Variants in PDGFD observed in about 807,000 individuals in gnomAD.
The protein encoded by PDGFD is platelet derived growth factor D.
In PDGFD, 30 loss-of-function variants were observed where a neutral mutation model predicts 44.7. The ratio of observed to expected loss-of-function variants is 0.67; its 90% CI spans 0.50 to 0.91. PDGFD has a LOEUF of 0.91. PDGFD is among the 40% of genes least tolerant of loss of function. PDGFD has a pLI of 0.00. For synonymous variants in PDGFD, 173 were observed against 168.4 expected, an observed-to-expected ratio of 1.03 and a Z score of -0.21; for missense variants, 445 against 457.8, an observed-to-expected ratio of 0.97 and a Z score of 0.25.
In PDGFD at chr11:103,980,843, A is replaced by T. The variant is rs111366404; in HGVS notation, c.510+15222T>A. The stretch of plus-strand genomic sequence containing the variant: ...AGAAGAATTTGGCAATCTACAACCC[A>T]CAAGAGAGCCCTCACCAAAACCCTA... On this transcript the variant is annotated intron_variant, in intron 3 of 6. Coordinates refer to ENST00000393158, the MANE Select transcript of PDGFD (RefSeq NM_025208.5). Among the ~76,000 whole-genome samples the T allele has an allele frequency of 9.7e-3, 1,468 of 152,124 alleles. 32 individuals are homozygous for T. The highest frequency in any genetic ancestry group is 0.034 in the African/African-American group (1,396 of 41,516).
chr11:104,091,443 A>G (rs907997725), intron 1 of PDGFD, among the ~76,000 whole-genome samples: 1 of 152,188 alleles, frequency 6.6e-6, no homozygotes, highest in Non-Finnish European at 1.5e-5. Flanking sequence ...CTACTGGATC[A>G]GGAAACACTT....
intron 1 of PDGFD, among the ~76,000 whole-genome samples, chr11:104,025,471 C>T (rs1288138673): frequency 6.6e-6 from 1 of 152,228 alleles, no homozygotes; most frequent in Admixed American, 6.5e-5. Flanking sequence ...CTGCCAAATA[C>T]AGTTCTGGTT....
rs145363179 is a variant in PDGFD at position 104,084,616 on chromosome 11, T to C, written c.124+79188A>G. 8.2e-3 allele frequency among the ~76,000 whole-genome samples: 1,210 copies of C among 147,208 alleles called. 12 individuals are homozygous for C. Among genetic ancestry groups the C allele is most frequent in the African/African-American group, 0.028 (1,132 of 40,576 alleles). ...TTTTAAAAATTAAATTATATATATA[T>C]AAATATACATATATAATATATAATA... On this transcript the variant is annotated intron_variant, in intron 1 of 6. Transcript: ENST00000393158.
intron 1 of PDGFD, among the ~76,000 whole-genome samples, chr11:104,059,083 A>G (rs1317080835): frequency 6.6e-6 from 1 of 152,232 alleles, no homozygotes; most frequent in Non-Finnish European, 1.5e-5. Context: ...AACTGTTCAT[A>G]ATTGTCAAAA....
chr11:104,082,816 G>C (rs1352641615), intron 1 of PDGFD, among the ~76,000 whole-genome samples: 2 of 151,994 alleles, frequency 1.3e-5, no homozygotes, highest in African/African-American at 4.8e-5. Flanking sequence ...AATTTTTGTA[G>C]AGACAGGGTC....
intron 1 of PDGFD, among the ~76,000 whole-genome samples, chr11:104,102,934 G>T (rs1350082811): frequency 6.6e-6 from 1 of 152,104 alleles, no homozygotes; most frequent in Non-Finnish European, 1.5e-5. Flanking sequence ...GTTGTGGGCT[G>T]GGGGGAGAGG....
At chr11:104,103,959 C>A (rs372286765) in intron 1 of PDGFD, among the ~76,000 whole-genome samples, 1 of 151,850 alleles carries the variant, frequency 6.6e-6, no homozygotes, top group African/African-American at 2.4e-5. Context: ...GAAGAAGATA[C>A]GGAGATGACA....
At chr11:103,943,013 C>T (rs1858610174) in intron 5 of PDGFD, among the ~76,000 whole-genome samples, 1 of 152,040 alleles carries the variant, frequency 6.6e-6, no homozygotes, top group African/African-American at 2.4e-5. Flanking sequence ...CGGGACCAAA[C>T]CCTTCTTAGT....
chr11:104,121,939 T>C (rs1591175961), intron 1 of PDGFD, among the ~76,000 whole-genome samples: 1 of 152,148 alleles, frequency 6.6e-6, no homozygotes, highest in East Asian at 1.9e-4. Flanking sequence ...CTGATACCCA[T>C]GAAATTAGAC....
chr11:103,981,059 G>A (rs554473245), intron 3 of PDGFD, among the ~76,000 whole-genome samples: 6 of 152,032 alleles, frequency 3.9e-5, no homozygotes, highest in South Asian at 2.1e-4. Flanking sequence ...ATGTTGGAAC[G>A]TAATCCCCAA....
At chr11:104,008,555 C>T (rs1056708674) in intron 1 of PDGFD, among the ~76,000 whole-genome samples, 4 of 152,026 alleles carry the variant, frequency 2.6e-5, no homozygotes, top group Non-Finnish European at 5.9e-5. Context: ...GAAAACATTA[C>T]GAAGGAATTA....
chr11:104,038,228 C>A, intron 1 of PDGFD: 1 of 551,928 alleles, frequency 1.8e-6, no homozygotes, highest in Non-Finnish European at 3.2e-6. Context: ...TGAAAGGCAT[C>A]CTGGGAAGGC....
chr11:104,084,757 T>C (rs1354558308), intron 1 of PDGFD, among the ~76,000 whole-genome samples: 2 of 81,316 alleles, frequency 2.5e-5, no homozygotes, highest in Non-Finnish European at 4.2e-5. Flanking sequence ...TTATAGTTTA[T>C]ATATTAATTA....
chr11:103,917,729 C>T (rs1225693771), intron 6 of PDGFD, among the ~76,000 whole-genome samples: 1 of 152,104 alleles, frequency 6.6e-6, no homozygotes, highest in East Asian at 1.9e-4. Context: ...GGACCTGGGA[C>T]CAGGACCTGG....
intron 1 of PDGFD, among the ~76,000 whole-genome samples, chr11:104,027,712 G>A (rs776259279): frequency 3.9e-5 from 6 of 152,124 alleles, no homozygotes; most frequent in Non-Finnish European, 8.8e-5. Context: ...CAGAACTGCA[G>A]ATATAGAATA....
At chr11:104,141,235 T>C (rs1862081062) in intron 1 of PDGFD, among the ~76,000 whole-genome samples, 1 of 152,152 alleles carries the variant, frequency 6.6e-6, no homozygotes, top group Non-Finnish European at 1.5e-5. Context: ...TTTTCATTTG[T>C]TGTAGGTTGA....
intron 1 of PDGFD, among the ~76,000 whole-genome samples, chr11:104,130,372 G>A (rs533039866): frequency 6.6e-6 from 1 of 152,276 alleles, no homozygotes; most frequent in East Asian, 1.9e-4. Flanking sequence ...AGGTGGTGAT[G>A]TGCCTCAAAG....
chr11:103,997,303 G>A (rs936679581), intron 2 of PDGFD, among the ~76,000 whole-genome samples: 1 of 152,172 alleles, frequency 6.6e-6, no homozygotes, highest in African/African-American at 2.4e-5. Context: ...ACAATCATCA[G>A]AAGGAATCAT....
chr11:104,105,569 G>A (rs1861460722), intron 1 of PDGFD, among the ~76,000 whole-genome samples: 1 of 151,798 alleles, frequency 6.6e-6, no homozygotes, highest in South Asian at 2.1e-4. Flanking sequence ...AAACCACCTG[G>A]TTGTATATGC....
Sources: gnomAD v4.1 joint callset for allele counts (sites outside exome capture counted in the v4.1 genomes callset) on GRCh38, gnomAD v4.1.1 for gene constraint, MANE v1.5 for transcripts, NCBI Gene and HGNC (gene_info 2026-07-23, HGNC 2026-07-21) for gene names.